The following MECOM variants were observed in gnomAD, a reference collection of about 807,000 sequenced individuals.
The protein encoded by MECOM is MDS1 and EVI1 complex locus.
MECOM carries 13 observed loss-of-function variants against 116.3 expected under a neutral mutation model. That is an observed-to-expected ratio of 0.11 (90% CI 0.07 to 0.18). The LOEUF (loss-of-function observed/expected upper bound fraction) is 0.18, where lower values mean the gene tolerates loss of function less well. MECOM is among the 10% of genes least tolerant of loss of function. The pLI, the probability that MECOM is intolerant of heterozygous loss-of-function variation, is 1.00. For missense variants in MECOM, 1,299 were observed against 1,509.0 expected (o/e 0.86, Z 2.31); for synonymous variants, 528 against 535.2 (o/e 0.99, Z 0.19).
chr3:169,365,370 C>A (rs1053399854), intron 2 of MECOM, among the ~76,000 whole-genome samples: 9 of 152,016 alleles, frequency 5.9e-5, no homozygotes, highest in Non-Finnish European at 1.0e-4. Context: ...CAGCTAGTGA[C>A]TCTATATCGA....
At chr3:169,496,146 G>T (rs150334076) in intron 1 of MECOM, among the ~76,000 whole-genome samples, 65 of 152,350 alleles carry the variant, frequency 4.3e-4, no homozygotes, top group African/African-American at 1.4e-3. Context: ...AAATTCTGCA[G>T]TGGCCAGTGG....
At chr3:169,272,100 A>G (rs1374124274) in intron 2 of MECOM, among the ~76,000 whole-genome samples, 1 of 152,232 alleles carries the variant, frequency 6.6e-6, no homozygotes, top group Non-Finnish European at 1.5e-5. Context: ...CCCACTCATG[A>G]CAGGGTTCAA....
chr3:169,292,039 T>C (rs962565375), intron 2 of MECOM, among the ~76,000 whole-genome samples: 2 of 152,194 alleles, frequency 1.3e-5, no homozygotes, highest in African/African-American at 4.8e-5. Flanking sequence ...ATTATGCAAC[T>C]AGTTTGGCGT....
At chr3:169,270,448 T>A (rs1255456202) in intron 2 of MECOM, among the ~76,000 whole-genome samples, 1 of 152,014 alleles carries the variant, frequency 6.6e-6, no homozygotes, top group Non-Finnish European at 1.5e-5. Context: ...TAATTATAAT[T>A]CCACAACTTA....
intron 1 of MECOM, among the ~76,000 whole-genome samples, chr3:169,411,087 T>C (rs1054372901): frequency 6.6e-6 from 1 of 152,186 alleles, no homozygotes; most frequent in Non-Finnish European, 1.5e-5. Flanking sequence ...TATATATGTA[T>C]CACCATTCCA....
chr3:169,280,739 A>T (rs994742087), intron 2 of MECOM, among the ~76,000 whole-genome samples: 1 of 152,192 alleles, frequency 6.6e-6, no homozygotes, highest in African/African-American at 2.4e-5. Flanking sequence ...TGGGCCTTTA[A>T]AGGTGGGAAC....
At chr3:169,614,122 TTTC>T (rs1769671385) in intron 1 of MECOM, among the ~76,000 whole-genome samples, 2 of 145,986 alleles carry the variant, frequency 1.4e-5, no homozygotes, top group Non-Finnish European at 3.0e-5. Flanking sequence ...TTCTTTTTTT[TTTC>T]TCTCTCTCTC....
intron 1 of MECOM, among the ~76,000 whole-genome samples, chr3:169,482,484 G>A (rs1188638189): frequency 5.9e-5 from 9 of 151,950 alleles, no homozygotes; most frequent in Non-Finnish European, 8.8e-5. Context: ...ACAGGCGCCC[G>A]CCACCACGCC....
Position 169,544,800 on chromosome 3 carries a change from C to T in MECOM, c.37+118536G>A, listed in dbSNP as rs146298429. 5.8e-3 allele frequency among the ~76,000 whole-genome samples: 890 copies of T among 152,260 alleles called. 9 individuals are homozygous for T. Among genetic ancestry groups the T allele is most frequent in the African/African-American group, 0.021 (853 of 41,548 alleles). On this transcript the variant is annotated intron_variant, in intron 1 of 16. Coordinates refer to ENST00000651503, the MANE Select transcript of MECOM (RefSeq NM_004991.4). ...AAACCAAACACCACATGTTCTCACT[C>T]ATAAGTGGGAGTTGAACAATGAGAA...
intron 2 of MECOM, among the ~76,000 whole-genome samples, chr3:169,347,192 T>C (rs906607864): frequency 6.6e-6 from 1 of 152,006 alleles, no homozygotes; most frequent in Non-Finnish European, 1.5e-5. Flanking sequence ...ATATCATATA[T>C]TTAGAGAGAT....
At chr3:169,129,648 T>C (rs906980880) in intron 4 of MECOM, among the ~76,000 whole-genome samples, 1 of 152,114 alleles carries the variant, frequency 6.6e-6, no homozygotes, top group African/African-American at 2.4e-5. Context: ...TAGTCTGTAA[T>C]ACTATTCATT....
chr3:169,543,045 C>A (rs1381778635), intron 1 of MECOM, among the ~76,000 whole-genome samples: 2 of 152,118 alleles, frequency 1.3e-5, no homozygotes, highest in South Asian at 2.1e-4. Flanking sequence ...CATAGTTCAA[C>A]TTGAGAAAAC....
Position 169,115,665 on chromosome 3 carries a change from C to T in MECOM, c.2207G>A (p.Gly736Asp), listed in dbSNP as rs558610353. ...GAGATCAAAGGGGGACTCAGAGCTG[C>T]CCTTCTGCAGTTTCTTTACTTCACC... Reference protein sequence around the residue: ...SPGEVKKLQKGSSESPFDLTT... With the variant: ...SPGEVKKLQKDSSESPFDLTT... Residue 736 changes from glycine (G) to aspartate (D), a missense_variant, in exon 8 of 17, where the codon GGC (glycine) becomes GAC (aspartate). This residue lies in a region of MECOM where 340 missense variants were observed against 312.6 expected (regional missense o/e 1.09). Transcript: ENST00000651503. The T allele has an allele frequency of 1.1e-5, 17 of 1,614,136 alleles. No individual in the cohort carries two copies. The South Asian group carries it at 1.8e-4, about 17-fold the overall frequency.
chr3:169,453,815 A>G (rs1004824903), intron 1 of MECOM, among the ~76,000 whole-genome samples: 1 of 152,168 alleles, frequency 6.6e-6, no homozygotes, highest in South Asian at 2.1e-4. Flanking sequence ...ATTTCAGTTA[A>G]TGAGATAGGA....
At chr3:169,497,737 C>G (rs1304108360) in intron 1 of MECOM, among the ~76,000 whole-genome samples, 1 of 152,230 alleles carries the variant, frequency 6.6e-6, no homozygotes, top group Non-Finnish European at 1.5e-5. Flanking sequence ...TATGTCTCCT[C>G]ACATTTCAGA....
chr3:169,149,953 G>A (rs1257392707), intron 2 of MECOM, among the ~76,000 whole-genome samples: 3 of 149,556 alleles, frequency 2.0e-5, no homozygotes, highest in African/African-American at 5.0e-5. Flanking sequence ...GTGTGTGTGT[G>A]TGTGTGTGTG....
In MECOM at chr3:169,415,432, C is replaced by A. The variant is rs144794127; in HGVS notation, c.38-33908G>T. 3.4e-3 allele frequency among the ~76,000 whole-genome samples: 517 copies of A among 152,222 alleles called. 1 individual carries two copies. Among genetic ancestry groups the A allele is most frequent in the Non-Finnish European group, 6.0e-3 (410 of 68,024 alleles). ...TGGTACCAGCCACTGCAAAAACAAA[C>A]CAAAATGTAAAGATCATCGACACTA... On this transcript the variant is annotated intron_variant, in intron 1 of 16. Coordinates refer to ENST00000651503, the MANE Select transcript of MECOM (RefSeq NM_004991.4).
At chr3:169,566,371 A>T (rs367789289) in intron 1 of MECOM, among the ~76,000 whole-genome samples, 1 of 152,184 alleles carries the variant, frequency 6.6e-6, no homozygotes, top group Non-Finnish European at 1.5e-5. Context: ...GGTCTTGAAA[A>T]TGACACCCCA....
chr3:169,358,822 A>G (rs897522282), intron 2 of MECOM, among the ~76,000 whole-genome samples: 5 of 151,820 alleles, frequency 3.3e-5, no homozygotes, highest in African/African-American at 1.2e-4. Flanking sequence ...TTTCAAAAGG[A>G]TAACAGACAA....
Sources: gnomAD v4.1 joint callset for allele counts (sites outside exome capture counted in the v4.1 genomes callset) on GRCh38, gnomAD v4.1.1 for gene constraint, gnomAD v4.1.1 regional missense constraint, MANE v1.5 for transcripts, NCBI Gene and HGNC (gene_info 2026-07-23, HGNC 2026-07-21) for gene names.